TRAPPC8: variants seen among roughly 807,000 people sequenced by gnomAD.
TRAPPC8 encodes general sporulation gene 1 homolog.
In TRAPPC8, 54 loss-of-function variants were observed where a neutral mutation model predicts 174.3. The ratio of observed to expected loss-of-function variants is 0.31; its 90% confidence interval spans 0.25 to 0.39. TRAPPC8 has a LOEUF of 0.39. Ranked by LOEUF, TRAPPC8 falls within the 10% of genes least tolerant of loss-of-function variation. The probability of loss-of-function intolerance (pLI) is 1.00; values close to 1 mark genes in which losing one functional copy is unlikely to be tolerated. For synonymous variants in TRAPPC8, 630 were observed against 579.9 expected, an observed-to-expected ratio of 1.09 and a Z score of -1.24; for missense variants, 1,531 against 1,699.1, an observed-to-expected ratio of 0.90 and a Z score of 1.74.
intron 12 of TRAPPC8, among the ~76,000 whole-genome samples, chr18:31,887,257 T>C (rs1445503387): frequency 6.6e-6 from 1 of 152,228 alleles, no homozygotes; most frequent in Non-Finnish European, 1.5e-5. Context: ...CACATGATTA[T>C]CTCAATAGAT....
chr18:31,913,783 T>C (rs1414275069), intron 4 of TRAPPC8, among the ~76,000 whole-genome samples: 1 of 152,128 alleles, frequency 6.6e-6, no homozygotes, highest in Non-Finnish European at 1.5e-5. Context: ...CAAAGTGTGT[T>C]CCGTGGAATA....
chr18:31,855,987 A>G (rs546409533), intron 20 of TRAPPC8, among the ~76,000 whole-genome samples, 180 bp from the exon 21 acceptor site: 26 of 152,302 alleles, frequency 1.7e-4, no homozygotes, highest in Admixed American at 1.0e-3. Flanking sequence ...AATTCTTTCT[A>G]TCCAATTTGG....
At chr18:31,915,401 TGCAGTGA>T (rs1345441872) in intron 4 of TRAPPC8, among the ~76,000 whole-genome samples, 1 of 137,908 alleles carries the variant, frequency 7.3e-6, no homozygotes, top group Non-Finnish European at 1.5e-5. Context: ...GCACAGAGGC[TGCAGTGA>T]GCCAAGATCG....
chr18:31,838,324 C>T (rs979201922), intron 27 of TRAPPC8, among the ~76,000 whole-genome samples: 3 of 152,120 alleles, frequency 2.0e-5, no homozygotes, highest in African/African-American at 7.2e-5. Flanking sequence ...TTATAACTAC[C>T]CCCTGAAATG....
intron 27 of TRAPPC8, among the ~76,000 whole-genome samples, chr18:31,837,214 A>G (rs2032799695): frequency 6.6e-6 from 1 of 152,124 alleles, no homozygotes; most frequent in South Asian, 2.1e-4. Context: ...AAAATTTTTT[A>G]AAGATCCAAC....
At chr18:31,870,337 T>A (rs75554495) in intron 16 of TRAPPC8, 35 bp downstream of exon 16, 105,099 of 1,569,830 alleles carry the variant, frequency 0.067, 3,736 homozygotes, top group African/African-American at 0.081. Flanking sequence ...AGGCTGTAGC[T>A]GAAACATAAT....
At chr18:31,861,133 C>T (rs2034300140) in intron 19 of TRAPPC8, among the ~76,000 whole-genome samples, 1 of 152,154 alleles carries the variant, frequency 6.6e-6, no homozygotes, top group African/African-American at 2.4e-5. Flanking sequence ...TCCACCCCCG[C>T]AGAAATGGTG....
At chr18:31,874,397 A>G (rs765770106) in intron 13 of TRAPPC8, 83 bp downstream of exon 13, 1 of 1,355,000 alleles carries the variant, frequency 7.4e-7, no homozygotes, top group Non-Finnish European at 1.0e-6. Flanking sequence ...TAATAAAACT[A>G]TCGTAAGATA....
In TRAPPC8 at chr18:31,942,756, C is replaced by T; in HGVS notation, c.9G>A (p.Gln3=). Residue 3 remains glutamine (Q), a synonymous_variant, in exon 1 of 29, where the codon CAG becomes CAA. Coordinates refer to ENST00000283351, the MANE Select transcript of TRAPPC8 (RefSeq NM_014939.5). The stretch of plus-strand genomic sequence containing the variant: ...TTAGCTCCTGCACTGATTGTACACA[C>T]TGGGCCATCGCCGCAGCACAGGCAG... MA[Q]CVQSVQELIP... is the part of the protein sequence containing the mutation. 6.6e-7 allele frequency: 1 copy of T among 1,510,468 alleles called. No individual in the cohort carries two copies. Among genetic ancestry groups the T allele is most frequent in the Non-Finnish European group, 8.9e-7 (1 of 1,124,586 alleles). The allele number at this position is 1,510,468 out of a possible 1,614,324, so 93.6% of individuals were successfully genotyped here. A position where few individuals can be genotyped will look rare whatever the true frequency, so the allele number is the denominator to read the frequency against.
chr18:31,940,369 G>T (rs1042487224), intron 1 of TRAPPC8, among the ~76,000 whole-genome samples: 5 of 151,944 alleles, frequency 3.3e-5, no homozygotes, highest in African/African-American at 1.2e-4. Flanking sequence ...GGAGGCTGAG[G>T]CTGGAAAATC....
chr18:31,855,281 G>C (rs1185538333), intron 21 of TRAPPC8, among the ~76,000 whole-genome samples: 1 of 152,216 alleles, frequency 6.6e-6, no homozygotes, highest in Non-Finnish European at 1.5e-5. Context: ...GGCACTGTTA[G>C]AAATGTGCAA....
Position 31,839,348 on chromosome 18 carries a change from T to C in TRAPPC8, c.3947A>G (p.Tyr1316Cys). 6.2e-7 allele frequency: 1 copy of C among 1,610,666 alleles called. No homozygotes were observed. The change falls in exon 27 of 29, where the codon TAC becomes TGC. Residue 1316 changes from tyrosine (Y) to cysteine (C), a missense_variant. By Grantham distance (194) the Tyr-to-Cys change is radical. Coordinates refer to ENST00000283351, the MANE Select transcript of TRAPPC8 (RefSeq NM_014939.5). ...LSSLIKTSLH[Y>C]PESFNHPFHQ... Reference sequence around the variant, plus strand: ...AAATGGATGATTAAATGATTCTGGGTAGTGAAGACTCGTTTTAATGAGACT... The same window carrying C: ...AAATGGATGATTAAATGATTCTGGGCAGTGAAGACTCGTTTTAATGAGACT...
chr18:31,901,654 A>T (rs558703420), intron 9 of TRAPPC8, among the ~76,000 whole-genome samples: 9 of 152,300 alleles, frequency 5.9e-5, no homozygotes, highest in African/African-American at 2.2e-4. Context: ...ACAATTACGA[A>T]AGGCTCAGGC....
intron 19 of TRAPPC8, among the ~76,000 whole-genome samples, chr18:31,860,173 ATG>A (rs774498019): frequency 2.1e-4 from 32 of 152,228 alleles, no homozygotes; most frequent in Non-Finnish European, 3.7e-4. Context: ...GAAGATATAC[ATG>A]TGTGAGTACA....
chr18:31,935,553 A>G (rs1470073540), intron 1 of TRAPPC8, among the ~76,000 whole-genome samples: 1,334 of 125,892 alleles, frequency 0.011, 129 homozygotes, highest in Non-Finnish European at 0.017. Flanking sequence ...CATCTTAAAA[A>G]AAAAAAAAAA....
In TRAPPC8 at chr18:31,887,384, G is replaced by A. The variant is rs529836651; in HGVS notation, c.1728+3351C>T. 1.1e-4 allele frequency among the ~76,000 whole-genome samples: 17 copies of A among 152,258 alleles called. No homozygotes were observed. The South Asian group carries it at 3.3e-3, about 30-fold the overall frequency. On this transcript the variant is annotated intron_variant, in intron 12 of 28. Coordinates refer to ENST00000283351, the MANE Select transcript of TRAPPC8 (RefSeq NM_014939.5). ...GAGCTGGCTGGGCGTGGTGACTCAC[G>A]CCTGTAATCCCAGCACTTGGGAGGC...
chr18:31,867,109 A>G (rs1185384013), intron 17 of TRAPPC8, 134 bp from the exon 18 acceptor site: 1 of 939,332 alleles, frequency 1.1e-6, no homozygotes, highest in Non-Finnish European at 1.5e-6. Context: ...TATGAAAAGC[A>G]TCTTCTTCAA....
At chr18:31,870,640 C>G in intron 15 of TRAPPC8, 138 bp from the exon 16 acceptor site, 2 of 971,644 alleles carry the variant, frequency 2.1e-6, no homozygotes, top group Non-Finnish European at 3.0e-6. Flanking sequence ...TAAATGTCCA[C>G]GTATTCAGGA....
At chr18:31,924,579 C>T (rs1430186375) in intron 2 of TRAPPC8, among the ~76,000 whole-genome samples, 3 of 151,250 alleles carry the variant, frequency 2.0e-5, no homozygotes, top group Non-Finnish European at 4.4e-5. Flanking sequence ...TGGCCAACAT[C>T]ATGAAACTCT....
Sources: allele counts gnomAD v4.1 joint callset (sites outside exome capture counted in the v4.1 genomes callset), GRCh38; gene constraint gnomAD v4.1.1; transcripts MANE v1.5; gene names NCBI Gene and HGNC (gene_info 2026-07-23, HGNC 2026-07-21).